The following SLC39A11 variants were observed in gnomAD, a reference collection of about 807,000 sequenced individuals.
The protein encoded by SLC39A11 is solute carrier family 39 member 11.
SLC39A11 carries 33 observed loss-of-function variants against 36.1 expected under a neutral mutation model. The observed-to-expected ratio is 0.91, with a 90% confidence interval of 0.69 to 1.22. The LOEUF (loss-of-function observed/expected upper bound fraction) is 1.22. Among genes scored for constraint, SLC39A11 ranks in the 50% most tolerant of loss-of-function variants. The pLI is 0.00. For missense variants in SLC39A11, 432 were observed against 430.3 expected, an observed-to-expected ratio of 1.00 and a Z score of -0.03; for synonymous variants, 166 against 170.3, an observed-to-expected ratio of 0.97 and a Z score of 0.20.
At chr17:72,874,705 G>C (rs1377447768) in intron 5 of SLC39A11, among the ~76,000 whole-genome samples, 1 of 152,162 alleles carries the variant, frequency 6.6e-6, no homozygotes, top group Non-Finnish European at 1.5e-5. Flanking sequence ...CCTGAAAAAT[G>C]AGCAGAAGTA....
At chr17:72,887,789 G>GA (rs11077646) in intron 5 of SLC39A11, among the ~76,000 whole-genome samples, 8 of 150,734 alleles carry the variant, frequency 5.3e-5, no homozygotes, top group Non-Finnish European at 1.0e-4. Flanking sequence ...ATTTAGAAAC[G>GA]AAAAAAAAAA....
intron 6 of SLC39A11, among the ~76,000 whole-genome samples, chr17:72,812,586 C>G (rs1025284291): frequency 6.6e-6 from 1 of 152,312 alleles, no homozygotes; most frequent in East Asian, 1.9e-4. Flanking sequence ...GTCAAAACAT[C>G]TGCTTCTGGT....
chr17:72,878,131 C>T (rs1487181618), intron 5 of SLC39A11, among the ~76,000 whole-genome samples: 1 of 151,914 alleles, frequency 6.6e-6, no homozygotes, highest in East Asian at 1.9e-4. Context: ...CATCCATGTC[C>T]CTACAAAGGA....
chr17:72,663,438 C>T (rs1051106215), intron 7 of SLC39A11, among the ~76,000 whole-genome samples: 2 of 152,218 alleles, frequency 1.3e-5, no homozygotes, highest in Non-Finnish European at 2.9e-5. Context: ...AAACCCACAT[C>T]CCGATCAAGA....
chr17:73,021,311 G>C (rs753938305), intron 4 of SLC39A11, among the ~76,000 whole-genome samples: 2 of 152,070 alleles, frequency 1.3e-5, no homozygotes, highest in African/African-American at 4.8e-5. Flanking sequence ...GTGAAGATTA[G>C]ATGCATACTC....
chr17:72,793,462 A>G (rs2567515), intron 6 of SLC39A11, among the ~76,000 whole-genome samples: 1 of 152,288 alleles, frequency 6.6e-6, no homozygotes, highest in Admixed American at 6.5e-5. Flanking sequence ...AAAGGGAGAG[A>G]TTTTCTTTCT....
intron 7 of SLC39A11, chr17:72,712,997 CA>C (rs2073176737): frequency 6.6e-6 from 1 of 152,044 alleles, no homozygotes; most frequent in Non-Finnish European, 1.5e-5. Flanking sequence ...GATGAGGGGG[CA>C]ATGGAAAAGT....
intron 7 of SLC39A11, among the ~76,000 whole-genome samples, chr17:72,692,290 C>T (rs1447110221): frequency 3.3e-5 from 5 of 152,178 alleles, no homozygotes; most frequent in African/African-American, 4.8e-5. Context: ...AGATTACAGG[C>T]GTGGGCTACC....
chr17:72,727,713 C>T (rs1489284602), intron 7 of SLC39A11, among the ~76,000 whole-genome samples: 1 of 152,034 alleles, frequency 6.6e-6, no homozygotes, highest in Non-Finnish European at 1.5e-5. Flanking sequence ...ACAGGCCTCC[C>T]TCTGCTGGCT....
At chr17:72,787,214 G>T (rs955804049) in intron 6 of SLC39A11, among the ~76,000 whole-genome samples, 5 of 143,878 alleles carry the variant, frequency 3.5e-5, no homozygotes, top group Non-Finnish European at 7.5e-5. Context: ...TATGCCACCA[G>T]TCTTTACCAT....
intron 3 of SLC39A11, among the ~76,000 whole-genome samples, chr17:73,050,506 C>T (rs2059460426): frequency 6.7e-6 from 1 of 148,328 alleles, no homozygotes; most frequent in Non-Finnish European, 1.5e-5. Flanking sequence ...CTCTGTCGCC[C>T]AGGCTGGAGT....
intron 3 of SLC39A11, among the ~76,000 whole-genome samples, chr17:73,035,621 C>G (rs533331248): frequency 2.9e-4 from 44 of 151,980 alleles, no homozygotes; most frequent in African/African-American, 6.8e-4. Context: ...AGGGTCCTTA[C>G]GAAGGAGTGA....
At chr17:72,986,423 A>G (rs1288162431) in intron 4 of SLC39A11, among the ~76,000 whole-genome samples, 1 of 152,184 alleles carries the variant, frequency 6.6e-6, no homozygotes, top group Non-Finnish European at 1.5e-5. Flanking sequence ...GCTCCACCCA[A>G]AGCCTCCTAA....
intron 5 of SLC39A11, among the ~76,000 whole-genome samples, chr17:72,878,786 A>G (rs1365549311): frequency 6.6e-6 from 1 of 152,208 alleles, no homozygotes; most frequent in Non-Finnish European, 1.5e-5. Context: ...GGGTAATTCA[A>G]TTCAATCCAG....
Position 72,754,591 on chromosome 17 carries a change from C to A in SLC39A11, c.602-17872G>T, listed in dbSNP as rs541542206. Reference sequence around the variant, plus strand: ...GGTGCTGTGGGTATTTAGATTCCACCATTACAGCACTGGAATGATGGGACA... The same window carrying A: ...GGTGCTGTGGGTATTTAGATTCCACAATTACAGCACTGGAATGATGGGACA... On this transcript the variant is annotated intron_variant, in intron 6 of 9. Transcript: ENST00000255559. Among the ~76,000 whole-genome samples, 5 of 149,124 alleles carry A rather than the reference C, an allele frequency of 3.4e-5. No individual in the cohort carries two copies. In the South Asian group the frequency reaches 1.1e-3, roughly 32 times the overall value.
At chr17:72,719,915 CA>C (rs1371650987) in intron 7 of SLC39A11, among the ~76,000 whole-genome samples, 3 of 152,176 alleles carry the variant, frequency 2.0e-5, no homozygotes, top group African/African-American at 7.2e-5. Context: ...GGAGGGGCAG[CA>C]CTGTCATCTT....
intron 4 of SLC39A11, among the ~76,000 whole-genome samples, chr17:72,968,408 T>C (rs748531815): frequency 3.1e-4 from 47 of 152,112 alleles, no homozygotes; most frequent in Non-Finnish European, 4.7e-4. Flanking sequence ...AGGACAATTG[T>C]GTGGAGGAAA....
chr17:72,788,782 C>A (rs143691053), intron 6 of SLC39A11, among the ~76,000 whole-genome samples: 1 of 152,184 alleles, frequency 6.6e-6, no homozygotes, highest in Non-Finnish European at 1.5e-5. Flanking sequence ...GGGGCCCCAA[C>A]CCCAAAGGCT....
At chr17:73,004,403 C>T (rs1262362457) in intron 4 of SLC39A11, among the ~76,000 whole-genome samples, 1 of 152,170 alleles carries the variant, frequency 6.6e-6, no homozygotes, top group Non-Finnish European at 1.5e-5. Context: ...CGTGTCCTCA[C>T]AGGGTGAAGT....
Sources: gnomAD v4.1 joint callset for allele counts (sites outside exome capture counted in the v4.1 genomes callset) on GRCh38, gnomAD v4.1.1 for gene constraint, MANE v1.5 for transcripts, NCBI Gene and HGNC (gene_info 2026-07-23, HGNC 2026-07-21) for gene names.